The following AMELY variants were observed in gnomAD, a reference collection of about 807,000 sequenced individuals.
The protein encoded by AMELY is amelogenin, Y isoform.
Under a neutral mutation model 4.2 loss-of-function variants are expected in AMELY, and 4 were observed. The observed-to-expected ratio is 0.96, with a 90% CI of 0.47 to 2.19. The LOEUF is 2.19. AMELY is among the 30% of genes most tolerant of loss of function. AMELY has a pLI of 0.02. For synonymous variants in AMELY, 11 were observed against 14.7 expected, an observed-to-expected ratio of 0.75 and a Z score of 0.57; for missense variants, 32 against 41.5, an observed-to-expected ratio of 0.77 and a Z score of 0.63.
At chrY:6,884,180 A>G (rs2054077153) in intron 1 of AMELY, among the ~76,000 whole-genome samples, 1 of 30,224 alleles carries the variant, frequency 3.3e-5, no homozygotes, top group Non-Finnish European at 7.8e-5. Context: ...CTATCACAAG[A>G]TCAGAAAACC....
intron 1 of AMELY, among the ~76,000 whole-genome samples, chrY:6,879,750 T>C: frequency 2.9e-5 from 1 of 34,079 alleles, no homozygotes. Context: ...TACATATGGC[T>C]AGCCAGCTTT....
chrY:6,894,486 C>T (rs2054085175), intron 1 of AMELY, among the ~76,000 whole-genome samples: 1 of 33,598 alleles, frequency 3.0e-5, no homozygotes, highest in South Asian at 6.7e-4. Flanking sequence ...AGTCTCTTAT[C>T]GGGCACCTAA....
chrY:6,886,385 T>C (rs2054080160), intron 1 of AMELY, among the ~76,000 whole-genome samples: 1 of 33,667 alleles, frequency 3.0e-5, no homozygotes, highest in Admixed American at 2.7e-4. Context: ...AGAAGGGAAA[T>C]AGGATAGCTG....
At chrY:6,897,003 G>C in intron 1 of AMELY, among the ~76,000 whole-genome samples, 1 of 33,397 alleles carries the variant, frequency 3.0e-5, no homozygotes, top group Non-Finnish European at 7.4e-5. Context: ...GTGCAGAGGA[G>C]AAGTAGTCAC....
intron 1 of AMELY, among the ~76,000 whole-genome samples, chrY:6,874,849 C>T (rs760792786): frequency 1.2e-4 from 4 of 33,811 alleles, no homozygotes; most frequent in Admixed American, 5.4e-4. Context: ...ATCTATTAAA[C>T]GCATGCTTTT....
At position 6,911,734 on chromosome Y, in the gene AMELY, C is replaced by G. The variant is rs2011696696; in HGVS notation, c.-174G>C. 2.9e-5 allele frequency among the ~76,000 whole-genome samples: 1 copy of G among 34,230 alleles called. No homozygotes were observed. The highest frequency in any genetic ancestry group is 1.1e-4 in the African/African-American group (1 of 8,787). The allele number at this position is 34,230 out of a possible 37,273, so 91.8% of individuals were successfully genotyped here. Reference sequence around the variant, plus strand: ...AGATCCTGGGTCCGGCCTTGCTTCCCAGTGGTACCTTCTCTCACGGAGGGG... The same window carrying G: ...AGATCCTGGGTCCGGCCTTGCTTCCGAGTGGTACCTTCTCTCACGGAGGGG... On this transcript the variant is annotated 5_prime_UTR_variant, in exon 1 of 7. Coordinates refer to ENST00000651267, the MANE Select transcript of AMELY (RefSeq NM_001143.2).
Position 6,870,010 on chromosome Y carries a change from T to C in AMELY, c.98A>G (p.Tyr33Cys). The change falls in exon 4 of 7, where the codon TAT becomes TGT. Residue 33 changes from tyrosine (Y) to cysteine (C), a missense_variant. Coordinates refer to ENST00000651267, the MANE Select transcript of AMELY (RefSeq NM_001143.2). ...PGHPGYINFS[Y>C]EVLTPLKWYQ... ...ATTAGTAAAGAGAAAAATTACCTCA[T>C]AGCTGAAGTTGATATAACCAGGGTG... The C allele has an allele frequency of 7.6e-6, 3 of 396,063 alleles. No individual in the cohort carries two copies. The highest frequency in any genetic ancestry group is 3.0e-5 in the South Asian group (1 of 33,362).
chrY:6,884,933 G>C (rs2054078102), intron 1 of AMELY, among the ~76,000 whole-genome samples: 1 of 33,244 alleles, frequency 3.0e-5, no homozygotes, highest in African/African-American at 1.2e-4. Flanking sequence ...CATAAACAGA[G>C]ATTTCTCAAA....
At chrY:6,888,400 G>A in intron 1 of AMELY, among the ~76,000 whole-genome samples, 1 of 32,965 alleles carries the variant, frequency 3.0e-5, no homozygotes, top group Non-Finnish European at 7.4e-5. Flanking sequence ...TTTTCTGTAG[G>A]TTGAAGCATT....
At chrY:6,909,305 C>G in intron 1 of AMELY, among the ~76,000 whole-genome samples, 4 of 33,080 alleles carry the variant, frequency 1.2e-4, no homozygotes, top group Non-Finnish European at 3.0e-4. Flanking sequence ...TACAGCGCTT[C>G]CACCAGAAGG....
At chrY:6,885,278 G>A in intron 1 of AMELY, among the ~76,000 whole-genome samples, 1 of 33,436 alleles carries the variant, frequency 3.0e-5, no homozygotes, top group South Asian at 6.7e-4. Flanking sequence ...AGGAGATCGA[G>A]ACCATCCTAA....
At chrY:6,874,729 G>T in intron 1 of AMELY, among the ~76,000 whole-genome samples, 1 of 33,584 alleles carries the variant, frequency 3.0e-5, no homozygotes, top group Non-Finnish European at 7.4e-5. Context: ...GCATGAAACA[G>T]ATTTTCTTTT....
chrY:6,875,439 G>T (rs2054071288), intron 1 of AMELY, among the ~76,000 whole-genome samples: 1 of 33,082 alleles, frequency 3.0e-5, no homozygotes. Flanking sequence ...TATGAAGAAA[G>T]GTAAATCTTT....
intron 1 of AMELY, among the ~76,000 whole-genome samples, chrY:6,884,068 G>A (rs2054077069): frequency 6.1e-5 from 2 of 32,698 alleles, no homozygotes; most frequent in African/African-American, 2.4e-4. Context: ...TGATAGACTG[G>A]ATTAAGAAAA....
intron 3 of AMELY, among the ~76,000 whole-genome samples, chrY:6,872,350 G>T (rs1027053420): frequency 9.0e-5 from 3 of 33,387 alleles, no homozygotes; most frequent in Non-Finnish European, 2.2e-4. Context: ...AGATGCGAAT[G>T]AGCATGAAAG....
chrY:6,906,375 CAT>C (rs2011663065), intron 1 of AMELY, among the ~76,000 whole-genome samples: 1 of 33,411 alleles, frequency 3.0e-5, no homozygotes, highest in African/African-American at 1.2e-4. Flanking sequence ...CACACACATA[CAT>C]ATATACACAT....
chrY:6,876,625 C>T (rs777377613), intron 1 of AMELY, among the ~76,000 whole-genome samples: 1 of 33,443 alleles, frequency 3.0e-5, no homozygotes, highest in Non-Finnish European at 7.4e-5. Flanking sequence ...ATGTAAGCCT[C>T]AGGCCTAACA....
intron 1 of AMELY, among the ~76,000 whole-genome samples, chrY:6,891,014 G>A: frequency 3.0e-5 from 1 of 33,804 alleles, no homozygotes; most frequent in Non-Finnish European, 7.3e-5. Flanking sequence ...TGTCTAAGAT[G>A]ACTGAAGTTG....
At chrY:6,888,818 A>C in intron 1 of AMELY, among the ~76,000 whole-genome samples, 1 of 17,079 alleles carries the variant, frequency 5.9e-5, no homozygotes, top group Non-Finnish European at 1.1e-4. Flanking sequence ...CAGTGAGCTG[A>C]GGTAGTGCCC....
Sources: gnomAD v4.1 joint callset for allele counts (sites outside exome capture counted in the v4.1 genomes callset) on GRCh38, gnomAD v4.1.1 for gene constraint, MANE v1.5 for transcripts, NCBI Gene and HGNC (gene_info 2026-07-23, HGNC 2026-07-21) for gene names.